OPCML: variants seen among roughly 807,000 people sequenced by gnomAD.
OPCML encodes opioid-binding protein/cell adhesion molecule.
A neutral mutation model predicts 37.8 loss-of-function variants in OPCML; 13 were observed. The observed-to-expected ratio is 0.34, with a 90% CI of 0.22 to 0.55. OPCML has a LOEUF of 0.55. Among genes scored for constraint, OPCML ranks in the 20% least tolerant of loss-of-function variants. OPCML has a pLI of 0.91. For missense variants in OPCML, 341 were observed against 435.6 expected, an observed-to-expected ratio of 0.78 and a Z score of 1.93; for synonymous variants, 176 against 168.8, an observed-to-expected ratio of 1.04 and a Z score of -0.33.
rs1945805917 is a variant in OPCML, at chr11:133,418,036, ATAC to A, written c.61+114225_61+114227del. ...TCTGATGGAGAAGAATGGGGAGAAGATACAGGGCAGAGAGAACTGCTTGAACAC... is the reference window on the plus strand; with the variant it reads ...TCTGATGGAGAAGAATGGGGAGAAGAAGGGCAGAGAGAACTGCTTGAACAC... On this transcript the variant is annotated intron_variant, in intron 1 of 7. Coordinates refer to ENST00000524381, the MANE Select transcript of OPCML (RefSeq NM_001012393.5). 5 of 982,672 alleles carry A rather than the reference ATAC, an allele frequency of 5.1e-6. No individual in the cohort carries two copies. In the African/African-American group the frequency reaches 8.7e-5, roughly 17 times the overall value. 60.9% of individuals were successfully genotyped at this position (982,672 alleles called of 1,614,324 possible).
chr11:133,453,368 G>A (rs1471208255), intron 1 of OPCML, among the ~76,000 whole-genome samples: 1 of 152,098 alleles, frequency 6.6e-6, no homozygotes, highest in Non-Finnish European at 1.5e-5. Context: ...ACTTTTGATT[G>A]GATGCTAGAA....
At chr11:132,619,235 G>A (rs1449879254) in intron 3 of OPCML, among the ~76,000 whole-genome samples, 1 of 152,096 alleles carries the variant, frequency 6.6e-6, no homozygotes, top group African/African-American at 2.4e-5. Flanking sequence ...AGTAGGCCGG[G>A]CCTGCCCATT....
intron 1 of OPCML, among the ~76,000 whole-genome samples, chr11:133,147,269 C>G (rs1297659129): frequency 6.6e-6 from 1 of 152,136 alleles, no homozygotes; most frequent in Non-Finnish European, 1.5e-5. Context: ...GCTGACCACT[C>G]AGAAGGGGAG....
At chr11:133,209,768 A>T (rs1939275620) in intron 1 of OPCML, among the ~76,000 whole-genome samples, 1 of 152,232 alleles carries the variant, frequency 6.6e-6, no homozygotes. Context: ...GCAACTAAAG[A>T]AATGAGCCCA....
At chr11:132,471,803 A>T (rs1285054444) in intron 4 of OPCML, among the ~76,000 whole-genome samples, 1 of 152,172 alleles carries the variant, frequency 6.6e-6, no homozygotes, top group Admixed American at 6.5e-5. Context: ...GACCTAGCTA[A>T]ATACACTCAA....
chr11:132,803,228 A>G (rs1231009267), intron 2 of OPCML, among the ~76,000 whole-genome samples: 1 of 152,200 alleles, frequency 6.6e-6, no homozygotes, highest in Non-Finnish European at 1.5e-5. Context: ...GCTCAATACT[A>G]CTATTAAATT....
chr11:133,485,610 T>G (rs936903675), intron 1 of OPCML, among the ~76,000 whole-genome samples: 9 of 152,200 alleles, frequency 5.9e-5, no homozygotes, highest in Non-Finnish European at 1.3e-4. Flanking sequence ...AGACCTGCAT[T>G]ACCACATCAG....
Position 133,211,443 on chromosome 11 carries a change from C to A in OPCML, c.62-268433G>T, listed in dbSNP as rs1230941766. ...ACCTGTCAGGGATGGGTTTCCTGCACTACAATAAGACATTGTCAATCAGCA... is the reference window on the plus strand; with the variant it reads ...ACCTGTCAGGGATGGGTTTCCTGCAATACAATAAGACATTGTCAATCAGCA... On this transcript the variant is annotated intron_variant, in intron 1 of 7. Transcript: ENST00000524381. The surrounding 1 kb of genome is among the most constrained non-coding windows in gnomAD (Gnocchi z 4.1). Among the ~76,000 whole-genome samples, 1 of 152,216 alleles carries A rather than the reference C, an allele frequency of 6.6e-6. No individual in the cohort carries two copies. Among genetic ancestry groups the A allele is most frequent in the African/African-American group, 2.4e-5 (1 of 41,444 alleles).
chr11:132,923,446 A>T (rs1161420614), intron 2 of OPCML, among the ~76,000 whole-genome samples: 2 of 152,218 alleles, frequency 1.3e-5, no homozygotes, highest in African/African-American at 4.8e-5. Context: ...GGAAAATCAG[A>T]AAATATTAAC....
intron 3 of OPCML, among the ~76,000 whole-genome samples, chr11:132,609,656 C>A (rs1938521300): frequency 6.6e-6 from 1 of 152,192 alleles, no homozygotes; most frequent in Non-Finnish European, 1.5e-5. Context: ...AAATGCCACC[C>A]ATCCAGGAAA....
chr11:133,158,185 G>A (rs375937019), intron 1 of OPCML, among the ~76,000 whole-genome samples: 3 of 152,134 alleles, frequency 2.0e-5, no homozygotes, highest in Admixed American at 6.5e-5. Flanking sequence ...TGCGTTCTAC[G>A]CACTCAGTTC....
intron 1 of OPCML, among the ~76,000 whole-genome samples, chr11:133,405,080 A>C (rs1207941643): frequency 6.6e-6 from 1 of 152,194 alleles, no homozygotes; most frequent in Non-Finnish European, 1.5e-5. Context: ...CTCCCTATAC[A>C]TAGGACACTC....
At chr11:133,528,040 T>G (rs1850937814) in intron 1 of OPCML, among the ~76,000 whole-genome samples, 1 of 152,174 alleles carries the variant, frequency 6.6e-6, no homozygotes, top group Non-Finnish European at 1.5e-5. Flanking sequence ...CTTCTGTAAT[T>G]TTCTAGGTTA....
chr11:133,168,798 C>T (rs1950249074), intron 1 of OPCML, among the ~76,000 whole-genome samples: 1 of 152,222 alleles, frequency 6.6e-6, no homozygotes, highest in Non-Finnish European at 1.5e-5. Flanking sequence ...ATTCTTTATA[C>T]ATGTTACATT....
chr11:133,050,680 G>T (rs1948112572), intron 1 of OPCML, among the ~76,000 whole-genome samples: 1 of 150,792 alleles, frequency 6.6e-6, no homozygotes, highest in African/African-American at 2.4e-5. Flanking sequence ...TCACATTGCA[G>T]TGTAAAACTA....
chr11:133,140,186 CAATAATAAT>C (rs59577218), intron 1 of OPCML, among the ~76,000 whole-genome samples: 28 of 124,804 alleles, frequency 2.2e-4, no homozygotes, highest in Non-Finnish European at 3.3e-4. Flanking sequence ...GACTCCGTCT[CAATAATAAT>C]AATAATAATA....
At chr11:132,659,003 G>A (rs1246275331) in intron 2 of OPCML, among the ~76,000 whole-genome samples, 1 of 152,098 alleles carries the variant, frequency 6.6e-6, no homozygotes, top group Non-Finnish European at 1.5e-5. Flanking sequence ...ACCTCAATCT[G>A]CATACTTTCT....
intron 1 of OPCML, among the ~76,000 whole-genome samples, chr11:133,086,696 T>C (rs1421221836): frequency 6.6e-6 from 1 of 152,190 alleles, no homozygotes; most frequent in Non-Finnish European, 1.5e-5. Context: ...AAGCTGCTCA[T>C]ATTGGAACTG....
intron 1 of OPCML, among the ~76,000 whole-genome samples, chr11:133,492,851 C>CT (rs2120458784): frequency 6.6e-6 from 1 of 152,248 alleles, no homozygotes; most frequent in South Asian, 2.1e-4. Context: ...GCAGAATAGT[C>CT]TATTAGATGC....
Sources: gnomAD v4.1 joint callset for allele counts (sites outside exome capture counted in the v4.1 genomes callset) on GRCh38, gnomAD v4.1.1 for gene constraint, Gnocchi (gnomAD v3.1) non-coding constraint, MANE v1.5 for transcripts, NCBI Gene and HGNC (gene_info 2026-07-23, HGNC 2026-07-21) for gene names.